Variants in PUS10 observed in about 807,000 individuals in gnomAD.
The protein encoded by PUS10 is tRNA pseudouridine synthase Pus10.
In PUS10, 59 loss-of-function variants were observed where a neutral mutation model predicts 75.0. The observed-to-expected ratio is 0.79, with a 90% CI of 0.64 to 0.98. The LOEUF (loss-of-function observed/expected upper bound fraction) is 0.98, where lower values mean the gene tolerates loss of function less well. Ranked by LOEUF, PUS10 falls within the 50% of genes least tolerant of loss-of-function variation. PUS10 has a pLI of 0.00. For synonymous variants in PUS10, 219 were observed against 211.6 expected, an observed-to-expected ratio of 1.03 and a Z score of -0.30; for missense variants, 650 against 614.4, an observed-to-expected ratio of 1.06 and a Z score of -0.61.
intron 4 of PUS10, among the ~76,000 whole-genome samples, chr2:60,991,870 G>C (rs1433433590): frequency 6.6e-6 from 1 of 152,124 alleles, no homozygotes; most frequent in East Asian, 1.9e-4. Context: ...AAAAGTCATT[G>C]TGCACAGACC....
chr2:60,962,335 G>T (rs1020241781), intron 9 of PUS10, among the ~76,000 whole-genome samples: 5 of 152,234 alleles, frequency 3.3e-5, no homozygotes, highest in Admixed American at 6.5e-5. Flanking sequence ...ACTTTGGGAG[G>T]CCGAGGCGGG....
At chr2:61,001,359 C>A (rs930376033) in intron 4 of PUS10, among the ~76,000 whole-genome samples, 1 of 151,996 alleles carries the variant, frequency 6.6e-6, no homozygotes, top group Non-Finnish European at 1.5e-5. Context: ...TCACTGCAGC[C>A]TCCCCCTCCC....
intron 4 of PUS10, among the ~76,000 whole-genome samples, chr2:60,980,209 A>T (rs1052108793): frequency 1.3e-5 from 2 of 152,202 alleles, no homozygotes; most frequent in Non-Finnish European, 2.9e-5. Context: ...AATTTCAGGT[A>T]ACTCTAGAGT....
Position 60,971,560 on chromosome 2 carries a change from G to C in PUS10, c.469-3C>G. Reference sequence around the variant, plus strand: ...TTTACCAGCAACCATGCAGCATGCTGTAGGCAATTTAGTCACACCCAGAAA... The same window carrying C: ...TTTACCAGCAACCATGCAGCATGCTCTAGGCAATTTAGTCACACCCAGAAA... On this transcript the variant is annotated splice_region_variant and splice_polypyrimidine_tract_variant and intron_variant, in intron 4 of 17. Coordinates refer to ENST00000316752, the MANE Select transcript of PUS10 (RefSeq NM_144709.4). 1.2e-6 allele frequency: 2 copies of C among 1,613,570 alleles called. No homozygotes were observed. Among genetic ancestry groups the C allele is most frequent in the Non-Finnish European group, 1.7e-6 (2 of 1,179,602 alleles).
Position 60,944,291 on chromosome 2 carries a change from A to C in PUS10, c.1551+718T>G, listed in dbSNP as rs1005718054. 17 of 868,920 alleles carry C rather than the reference A, an allele frequency of 2.0e-5. No homozygotes were observed. In the African/African-American group the frequency reaches 2.7e-4, roughly 14 times the overall value. The allele number at this position is 868,920 out of a possible 1,614,324, so 53.8% of individuals were successfully genotyped here. A position where few individuals can be genotyped will look rare whatever the true frequency, so the allele number is the denominator to read the frequency against. ...AGAGCACTTGAGAGAATTGCTGGTA[A>C]GGAAGTAATACTCCAGTGATCATTT... On this transcript the variant is annotated intron_variant, in intron 17 of 17. Transcript: ENST00000316752.
chr2:61,011,931 T>C (rs374858883), intron 1 of PUS10, 26 bp from the exon 2 acceptor site: 2 of 1,565,434 alleles, frequency 1.3e-6, no homozygotes, highest in Admixed American at 2.0e-5. Flanking sequence ...GTAAAACTAA[T>C]GAGCAGCTTC....
At chr2:60,994,725 G>T (rs1039645678) in intron 4 of PUS10, among the ~76,000 whole-genome samples, 1 of 152,164 alleles carries the variant, frequency 6.6e-6, no homozygotes, top group Non-Finnish European at 1.5e-5. Context: ...ACCATTTGGA[G>T]AAAGAAAATA....
chr2:60,956,974 C>CAAAAAAAAAAAAAAAAAAAAAA (rs56804354), intron 11 of PUS10, among the ~76,000 whole-genome samples: 5 of 19,252 alleles, frequency 2.6e-4, no homozygotes, highest in South Asian at 3.5e-3. Context: ...GACTCCATCT[C>CAAAAAAAAAAAAAAAAAAAAAA]AAAAAAAAAA....
intron 4 of PUS10, among the ~76,000 whole-genome samples, chr2:60,990,963 C>G (rs184142752): frequency 6.6e-6 from 1 of 152,294 alleles, no homozygotes; most frequent in Non-Finnish European, 1.5e-5. Flanking sequence ...CCAGGCTGGT[C>G]TTGAACTCCT....
rs764660074 is a variant in PUS10 at position 60,965,463 on chromosome 2, C to A, written c.637G>T (p.Val213Phe). 5 of 1,608,710 alleles carry A rather than the reference C, an allele frequency of 3.1e-6. No individual in the cohort carries two copies. In the African/African-American group the frequency reaches 4.0e-5, roughly 13 times the overall value. ...DGKSLFEVSV[V>F]FAHPETVEDC... ...TCAACTGTTTCTGGGTGAGCAAAGA[C>A]CACACTCACTTCAAACAAGCTCTAA... The change falls in exon 7 of 18, where the codon GTC (valine) becomes TTC (phenylalanine). Residue 213 changes from valine to phenylalanine, a missense_variant. Transcript: ENST00000316752.
At chr2:60,993,917 G>A (rs1427381518) in intron 4 of PUS10, among the ~76,000 whole-genome samples, 3 of 151,996 alleles carry the variant, frequency 2.0e-5, no homozygotes, top group African/African-American at 7.2e-5. Context: ...AGCCTCCCGA[G>A]TAGCTGGGAC....
At chr2:60,985,188 A>G (rs187393205) in intron 4 of PUS10, among the ~76,000 whole-genome samples, 19 of 152,324 alleles carry the variant, frequency 1.2e-4, no homozygotes, top group Non-Finnish European at 2.4e-4. Context: ...TCAATTTACT[A>G]AAAAGAAATT....
chr2:61,003,487 C>A, intron 4 of PUS10, among the ~76,000 whole-genome samples: 1 of 150,646 alleles, frequency 6.6e-6, no homozygotes, highest in East Asian at 2.0e-4. Context: ...AAATTGCTGT[C>A]ATCAGAAAGG....
At chr2:61,017,729 T>C (rs1283592074) in intron 1 of PUS10, 1 of 1,533,768 alleles carries the variant, frequency 6.5e-7, no homozygotes, top group East Asian at 2.4e-5. Flanking sequence ...CAGTCAGGGG[T>C]AGGAGCGGGA....
At chr2:60,957,575 T>C (rs1675758267) in intron 11 of PUS10, among the ~76,000 whole-genome samples, 1 of 152,262 alleles carries the variant, frequency 6.6e-6, no homozygotes, top group Non-Finnish European at 1.5e-5. Context: ...GCAATGGGTC[T>C]CACGGGAGAT....
chr2:60,976,037 C>T (rs1558927256), intron 4 of PUS10, among the ~76,000 whole-genome samples: 1 of 152,184 alleles, frequency 6.6e-6, no homozygotes, highest in African/African-American at 2.4e-5. Flanking sequence ...GCTGGGATTA[C>T]AGGCATGAGC....
At chr2:61,014,399 C>T (rs1188999977) in intron 1 of PUS10, among the ~76,000 whole-genome samples, 1 of 151,994 alleles carries the variant, frequency 6.6e-6, no homozygotes, top group Non-Finnish European at 1.5e-5. Flanking sequence ...AGCAAACAAA[C>T]AAACAAAAAA....
intron 4 of PUS10, among the ~76,000 whole-genome samples, chr2:60,995,116 T>C (rs1221311263): frequency 6.6e-6 from 1 of 152,144 alleles, no homozygotes; most frequent in East Asian, 1.9e-4. Context: ...CTTTGGAGTT[T>C]AATAGATCAG....
intron 1 of PUS10, among the ~76,000 whole-genome samples, chr2:61,013,429 G>T (rs545847286): frequency 6.6e-6 from 1 of 152,172 alleles, no homozygotes; most frequent in African/African-American, 2.4e-5. Context: ...TCCCCACTGA[G>T]TTGATTACCT....
Sources: gnomAD v4.1 joint callset for allele counts (sites outside exome capture counted in the v4.1 genomes callset) on GRCh38, gnomAD v4.1.1 for gene constraint, MANE v1.5 for transcripts, NCBI Gene and HGNC (gene_info 2026-07-23, HGNC 2026-07-21) for gene names.